TSC22D1: variants seen among roughly 807,000 people sequenced by gnomAD.
TSC22D1 encodes TSC22 domain family protein 1.
A neutral mutation model predicts 74.2 loss-of-function variants in TSC22D1; 9 were observed. The ratio of observed to expected loss-of-function variants is 0.12; its 90% confidence interval spans 0.07 to 0.21. The LOEUF (loss-of-function observed/expected upper bound fraction) is 0.21, where lower values mean the gene tolerates loss of function less well. TSC22D1 is among the 10% of genes least tolerant of loss of function. The probability of loss-of-function intolerance (pLI) is 1.00; values close to 1 mark genes in which losing one functional copy is unlikely to be tolerated. For missense variants in TSC22D1, 1,427 were observed against 1,304.7 expected (o/e 1.09, Z -1.44); for synonymous variants, 586 against 492.5 (o/e 1.19, Z -2.51).
At chr13:44,487,053 A>G (rs1878460773) in intron 1 of TSC22D1, among the ~76,000 whole-genome samples, 2 of 152,172 alleles carry the variant, frequency 1.3e-5, no homozygotes, top group South Asian at 2.1e-4. Context: ...CAAAGTTTCT[A>G]CCATCTACCA....
intron 1 of TSC22D1, among the ~76,000 whole-genome samples, chr13:44,441,678 A>G (rs73188711): frequency 0.076 from 11,525 of 152,276 alleles, 557 homozygotes; most frequent in Non-Finnish European, 0.1. Context: ...CGTCTAAGGC[A>G]CCGAGTGGAT....
At chr13:44,514,936 C>T (rs895418039) in intron 1 of TSC22D1, among the ~76,000 whole-genome samples, 1 of 152,096 alleles carries the variant, frequency 6.6e-6, no homozygotes, top group African/African-American at 2.4e-5. Flanking sequence ...CTCTGAGATA[C>T]AGTATTAACC....
At chr13:44,564,727 A>G (rs1566178337) in intron 1 of TSC22D1, among the ~76,000 whole-genome samples, 1 of 152,222 alleles carries the variant, frequency 6.6e-6, no homozygotes, top group Non-Finnish European at 1.5e-5. Flanking sequence ...CCATTTTAAG[A>G]ATATGATTCT....
Position 44,444,276 on chromosome 13 carries a change from C to T in TSC22D1, c.2913-8181G>A, listed in dbSNP as rs1475861436. ...CCTGGGGAACAGAGCAAGACTCTGTCTCAAAAAAAAAAAAAAAAAAAAAAA... is the reference window on the plus strand; with the variant it reads ...CCTGGGGAACAGAGCAAGACTCTGTTTCAAAAAAAAAAAAAAAAAAAAAAA... On this transcript the variant is annotated intron_variant, in intron 1 of 2. Coordinates refer to ENST00000458659, the MANE Select transcript of TSC22D1 (RefSeq NM_183422.4). 1.9e-4 allele frequency among the ~76,000 whole-genome samples: 4 copies of T among 20,778 alleles called. No homozygotes were observed. The Admixed American group carries it at 2.7e-3, about 14-fold the overall frequency. The allele number at this position is 20,778 out of a possible 152,430, so 13.6% of individuals were successfully genotyped here. A position where few individuals can be genotyped will look rare whatever the true frequency, so the allele number is the denominator to read the frequency against.
intron 1 of TSC22D1, among the ~76,000 whole-genome samples, chr13:44,551,386 A>ATGGGTGGGTGGG (rs745495652): frequency 3.2e-5 from 3 of 93,930 alleles, no homozygotes; most frequent in African/African-American, 1.3e-4. Context: ...CCCCAATCAG[A>ATGGGTGGGTGGG]TGGGTGTGTG....
intron 1 of TSC22D1, among the ~76,000 whole-genome samples, chr13:44,531,147 T>C (rs1322982808): frequency 3.3e-5 from 5 of 152,118 alleles, no homozygotes; most frequent in Non-Finnish European, 7.4e-5. Context: ...TCAATACTGG[T>C]TCATCAATTA....
chr13:44,511,227 G>A (rs1367375019), intron 1 of TSC22D1, among the ~76,000 whole-genome samples: 1 of 152,126 alleles, frequency 6.6e-6, no homozygotes, highest in Non-Finnish European at 1.5e-5. Flanking sequence ...TGCAGCTGCA[G>A]TGACCATGAT....
intron 1 of TSC22D1, among the ~76,000 whole-genome samples, chr13:44,442,723 C>T (rs1469537035): frequency 6.6e-6 from 1 of 151,796 alleles, no homozygotes. Context: ...TTGAGACAAG[C>T]CTGGCCAATA....
chr13:44,461,766 G>A (rs191597554), intron 1 of TSC22D1, among the ~76,000 whole-genome samples: 5 of 152,178 alleles, frequency 3.3e-5, no homozygotes, highest in Admixed American at 6.5e-5. Flanking sequence ...TAAGGAATCC[G>A]AAATTCACCC....
In TSC22D1 at chr13:44,432,372, G is replaced by T. The variant is rs1306075477; in HGVS notation, c.*2254C>A. 6.6e-6 allele frequency: 1 copy of T among 152,160 alleles called. No homozygotes were observed. The highest frequency in any genetic ancestry group is 1.5e-5 in the Non-Finnish European group (1 of 68,030). 9.4% of individuals were successfully genotyped at this position (152,160 alleles called of 1,614,324 possible). A position where few individuals can be genotyped will look rare whatever the true frequency, so the allele number is the denominator to read the frequency against. On this transcript the variant is annotated 3_prime_UTR_variant, in exon 3 of 3. Transcript: ENST00000458659. The stretch of plus-strand genomic sequence containing the variant: ...AAAAACATAAAAAATGAAATGGCTA[G>T]GGATTTCTATTCACTATAGTTTTTT...
intron 1 of TSC22D1, among the ~76,000 whole-genome samples, chr13:44,502,899 T>A (rs980601726): frequency 8.5e-5 from 13 of 152,244 alleles, no homozygotes; most frequent in African/African-American, 3.1e-4. Context: ...ATATTTCACA[T>A]GCATACATTT....
At chr13:44,478,728 C>T (rs764799863) in intron 1 of TSC22D1, among the ~76,000 whole-genome samples, 11 of 152,100 alleles carry the variant, frequency 7.2e-5, no homozygotes, top group Non-Finnish European at 1.0e-4. Flanking sequence ...CACTCTACCA[C>T]GGTATCTAGT....
Position 44,434,538 on chromosome 13 carries a change from G to C in TSC22D1, c.*88C>G. On this transcript the variant is annotated 3_prime_UTR_variant, in exon 3 of 3. Transcript: ENST00000458659. ...CTCTTTCGCAGCGAGCAATGAAATG[G>C]GTGACTGTGGAGGCAGATTCTCCCT... The C allele has an allele frequency of 6.8e-7, 1 of 1,472,878 alleles. No homozygotes were observed. The highest frequency in any genetic ancestry group is 1.5e-5 in the South Asian group (1 of 66,258). 91.2% of individuals were successfully genotyped at this position (1,472,878 alleles called of 1,614,324 possible). A position where few individuals can be genotyped will look rare whatever the true frequency, so the allele number is the denominator to read the frequency against.
intron 1 of TSC22D1, among the ~76,000 whole-genome samples, chr13:44,529,146 T>TAATC (rs1472578071): frequency 1.3e-5 from 2 of 152,182 alleles, no homozygotes; most frequent in East Asian, 3.9e-4. Flanking sequence ...AATTACAGAC[T>TAATC]AATCTCTCAT....
chr13:44,546,749 C>CGTGT (rs58111185), intron 1 of TSC22D1, among the ~76,000 whole-genome samples: 12,622 of 146,640 alleles, frequency 0.086, 584 homozygotes, highest in African/African-American at 0.13. Flanking sequence ...GTGTGAAATA[C>CGTGT]GTGTGTGTGT....
chr13:44,466,368 T>C (rs1877285535), intron 1 of TSC22D1, among the ~76,000 whole-genome samples: 1 of 152,178 alleles, frequency 6.6e-6, no homozygotes, highest in East Asian at 1.9e-4. Flanking sequence ...GACAAAAATG[T>C]ACAGAGTGGT....
At chr13:44,508,386 A>C (rs1444553562) in intron 1 of TSC22D1, among the ~76,000 whole-genome samples, 1 of 152,142 alleles carries the variant, frequency 6.6e-6, no homozygotes, top group East Asian at 1.9e-4. Context: ...TACGTTCTAT[A>C]AGCTTAACTT....
At position 44,487,280 on chromosome 13, in the gene TSC22D1, C is replaced by T. The variant is rs1878471328; in HGVS notation, c.2913-51185G>A. 2.6e-5 allele frequency among the ~76,000 whole-genome samples: 4 copies of T among 151,882 alleles called. No homozygotes were observed. The South Asian group carries it at 6.2e-4, about 24-fold the overall frequency. ...TTGGGAGGCCAAGGCAGGTGGATCA[C>T]CTGAGGTCAGGAGTTCAAGACCAGC... On this transcript the variant is annotated intron_variant, in intron 1 of 2. Coordinates refer to ENST00000458659, the MANE Select transcript of TSC22D1 (RefSeq NM_183422.4).
intron 1 of TSC22D1, among the ~76,000 whole-genome samples, chr13:44,555,853 A>G (rs867369489): frequency 6.6e-6 from 1 of 152,100 alleles, no homozygotes; most frequent in South Asian, 2.1e-4. Context: ...ATAATATCTA[A>G]CAAAATGAAA....
Sources: gnomAD v4.1 joint callset for allele counts (sites outside exome capture counted in the v4.1 genomes callset) on GRCh38, gnomAD v4.1.1 for gene constraint, MANE v1.5 for transcripts, NCBI Gene and HGNC (gene_info 2026-07-23, HGNC 2026-07-21) for gene names.